DACH1: variants seen among roughly 807,000 people sequenced by gnomAD.
DACH1 encodes the protein dachshund family transcription factor 1, also known as dachshund homolog 1.
In DACH1, 12 loss-of-function variants were observed where a neutral mutation model predicts 54.2. That is an observed-to-expected ratio of 0.22 (90% confidence interval 0.14 to 0.36). The LOEUF is 0.36. Ranked by LOEUF, DACH1 falls within the 10% of genes least tolerant of loss-of-function variation. The probability of loss-of-function intolerance (pLI) is 1.00; values close to 1 mark genes in which losing one functional copy is unlikely to be tolerated. For synonymous variants in DACH1, 386 were observed against 366.2 expected, an observed-to-expected ratio of 1.05 and a Z score of -0.62; for missense variants, 805 against 929.8, an observed-to-expected ratio of 0.87 and a Z score of 1.75.
At chr13:71,451,368 T>C (rs1296905034) in intron 10 of DACH1, among the ~76,000 whole-genome samples, 1 of 152,188 alleles carries the variant, frequency 6.6e-6, no homozygotes, top group African/African-American at 2.4e-5. Flanking sequence ...TAAGAGCAGA[T>C]AAAATACCGT....
At chr13:71,617,716 G>A (rs1875887374) in intron 3 of DACH1, among the ~76,000 whole-genome samples, 1 of 152,084 alleles carries the variant, frequency 6.6e-6, no homozygotes, top group South Asian at 2.1e-4. Context: ...ATTAATATTA[G>A]AAAGTACAGA....
chr13:71,654,468 A>ATAAAATAAAG (rs1878945245), intron 2 of DACH1, among the ~76,000 whole-genome samples: 8 of 104,594 alleles, frequency 7.6e-5, no homozygotes, highest in East Asian at 2.3e-4. Context: ...GTAAAATAAA[A>ATAAAATAAAG]TAAAATAAAA....
chr13:71,770,064 C>A (rs1885791464), intron 1 of DACH1, among the ~76,000 whole-genome samples: 1 of 151,666 alleles, frequency 6.6e-6, no homozygotes, highest in South Asian at 2.1e-4. Context: ...AATTTTAAAT[C>A]AATTCTGCCA....
chr13:71,550,000 A>T (rs116737796), intron 6 of DACH1, among the ~76,000 whole-genome samples: 3,677 of 152,212 alleles, frequency 0.024, 82 homozygotes, highest in South Asian at 0.05. Context: ...TAATTTAGCA[A>T]TTTTTTCCTC....
At chr13:71,840,662 A>G (rs1015724227) in intron 1 of DACH1, among the ~76,000 whole-genome samples, 1 of 152,200 alleles carries the variant, frequency 6.6e-6, no homozygotes, top group African/African-American at 2.4e-5. Context: ...TGCCATTGCT[A>G]CAAAGTTAAG....
At chr13:71,564,535 C>A (rs1050230562) in intron 4 of DACH1, among the ~76,000 whole-genome samples, 2 of 149,104 alleles carry the variant, frequency 1.3e-5, no homozygotes, top group Non-Finnish European at 3.0e-5. Context: ...AAAGGAAAAG[C>A]TGCATTTTTG....
At chr13:71,762,704 T>G (rs1006741479) in intron 1 of DACH1, among the ~76,000 whole-genome samples, 1 of 146,784 alleles carries the variant, frequency 6.8e-6, no homozygotes, top group African/African-American at 2.5e-5. Flanking sequence ...GAGGCGGAGA[T>G]TGCAGTGAGC....
intron 7 of DACH1, among the ~76,000 whole-genome samples, chr13:71,486,094 G>A (rs1364536313): frequency 6.6e-6 from 1 of 151,542 alleles, no homozygotes; most frequent in African/African-American, 2.4e-5. Flanking sequence ...ATTTAATTTT[G>A]ATGATGATGT....
intron 9 of DACH1, 146 bp from the exon 10 acceptor site, chr13:71,475,355 C>G (rs1281025572): frequency 2.2e-5 from 16 of 734,838 alleles, no homozygotes; most frequent in Non-Finnish European, 4.5e-6. Flanking sequence ...AAACTGTAAC[C>G]GTAAGAATTT....
chr13:71,822,305 G>C (rs1888224200), intron 1 of DACH1, among the ~76,000 whole-genome samples: 3 of 152,110 alleles, frequency 2.0e-5, no homozygotes, highest in Admixed American at 2.0e-4. Context: ...ATAAGATCTT[G>C]CAAAATATTA....
chr13:71,452,156 G>A (rs1039980631), intron 10 of DACH1, among the ~76,000 whole-genome samples: 1 of 152,028 alleles, frequency 6.6e-6, no homozygotes, highest in African/African-American at 2.4e-5. Flanking sequence ...TTTAGACAGG[G>A]TTTCACTTTG....
At chr13:71,830,959 A>G (rs991900895) in intron 1 of DACH1, among the ~76,000 whole-genome samples, 1 of 151,970 alleles carries the variant, frequency 6.6e-6, no homozygotes, top group African/African-American at 2.4e-5. Context: ...CCAGAGGAAC[A>G]AACTGACAAA....
chr13:71,600,386 A>G (rs1874405696), intron 3 of DACH1, among the ~76,000 whole-genome samples: 2 of 152,100 alleles, frequency 1.3e-5, no homozygotes, highest in Non-Finnish European at 2.9e-5. Flanking sequence ...TTTTCACACT[A>G]TATATGCCCA....
intron 3 of DACH1, among the ~76,000 whole-genome samples, chr13:71,610,635 A>G (rs962872020): frequency 6.6e-6 from 1 of 152,124 alleles, no homozygotes; most frequent in African/African-American, 2.4e-5. Context: ...TAATAATTTC[A>G]CCAGAATTTT....
At chr13:71,610,844 G>A (rs185596255) in intron 3 of DACH1, among the ~76,000 whole-genome samples, 147 of 152,270 alleles carry the variant, frequency 9.7e-4, no homozygotes, top group African/African-American at 2.6e-3. Flanking sequence ...ACTAAGAAGT[G>A]TCTCATGCAG....
chr13:71,441,478 C>G (rs1874000918), intron 10 of DACH1, among the ~76,000 whole-genome samples: 1 of 152,018 alleles, frequency 6.6e-6, no homozygotes, highest in Admixed American at 6.6e-5. Flanking sequence ...CTGTCTACTT[C>G]CTGGTATGGC....
intron 2 of DACH1, among the ~76,000 whole-genome samples, chr13:71,672,762 A>G (rs1015786243): frequency 6.6e-6 from 1 of 152,194 alleles, no homozygotes; most frequent in Non-Finnish European, 1.5e-5. Flanking sequence ...GAGCAATAAA[A>G]GACAACATGT....
In DACH1 at chr13:71,536,347, GT is replaced by G. The variant is rs1466584248; in HGVS notation, c.1570+20676del. 1.3e-5 allele frequency among the ~76,000 whole-genome samples: 2 copies of G among 152,064 alleles called. 1 individual carries two copies. The highest frequency in any genetic ancestry group is 1.3e-4 in the Admixed American group (2 of 15,248). ...TAGGTAGAGATACTTTGGTTAAAGT[GT>G]TAGTCTATGGAATGCTGAAATCTCA... On this transcript the variant is annotated intron_variant, in intron 6 of 10. Coordinates refer to ENST00000613252, the MANE Select transcript of DACH1 (RefSeq NM_080759.6).
intron 2 of DACH1, among the ~76,000 whole-genome samples, chr13:71,645,818 C>T (rs1594038466): frequency 6.6e-6 from 1 of 152,254 alleles, no homozygotes; most frequent in East Asian, 1.9e-4. Flanking sequence ...TAATCCACAG[C>T]TTGACATAGA....
Sources: allele counts gnomAD v4.1 joint callset (sites outside exome capture counted in the v4.1 genomes callset), GRCh38; gene constraint gnomAD v4.1.1; transcripts MANE v1.5; gene names NCBI Gene and HGNC (gene_info 2026-07-23, HGNC 2026-07-21).